SAMD12: variants seen among roughly 807,000 people sequenced by gnomAD.
SAMD12 encodes the protein sterile alpha motif domain-containing protein 12.
SAMD12 carries 9 observed loss-of-function variants against 15.0 expected under a neutral mutation model. That is an observed-to-expected ratio of 0.60 (90% CI 0.36 to 1.05). The LOEUF (loss-of-function observed/expected upper bound fraction) is 1.05, where lower values mean the gene tolerates loss of function less well. Ranked by LOEUF, SAMD12 falls within the 50% of genes least tolerant of loss-of-function variation. SAMD12 has a pLI of 0.01. For missense variants in SAMD12, 230 were observed against 234.2 expected (o/e 0.98, Z 0.12); for synonymous variants, 86 against 90.1 (o/e 0.96, Z 0.25).
chr8:118,495,908 T>C (rs910389710), intron 2 of SAMD12, among the ~76,000 whole-genome samples: 1 of 152,112 alleles, frequency 6.6e-6, no homozygotes, highest in African/African-American at 2.4e-5. Context: ...AGAATTCTGT[T>C]TGTAAGAATC....
chr8:118,407,780 A>T (rs904906036), intron 3 of SAMD12, among the ~76,000 whole-genome samples: 1 of 152,054 alleles, frequency 6.6e-6, no homozygotes, highest in African/African-American at 2.4e-5. Context: ...CCTTCCTCCA[A>T]TTGCACCTTT....
intron 4 of SAMD12, among the ~76,000 whole-genome samples, chr8:118,256,770 T>G (rs1267254172): frequency 7.2e-6 from 1 of 138,248 alleles, no homozygotes; most frequent in Non-Finnish European, 1.5e-5. Flanking sequence ...GTAATATATC[T>G]GCATAAGATA....
chr8:118,344,611 G>C (rs780253165), intron 4 of SAMD12, among the ~76,000 whole-genome samples: 50 of 152,130 alleles, frequency 3.3e-4, no homozygotes, highest in Non-Finnish European at 6.2e-4. Context: ...CAGAAGAAGA[G>C]TTCCCAGCTC....
At chr8:118,253,774 G>A (rs1369369350) in intron 4 of SAMD12, among the ~76,000 whole-genome samples, 3 of 152,094 alleles carry the variant, frequency 2.0e-5, no homozygotes, top group African/African-American at 4.8e-5. Flanking sequence ...TCTTATCAAT[G>A]GATTTAACAT....
At chr8:118,180,549 C>CCTCTCT in the SAMD12 span, among the ~76,000 whole-genome samples, 47 of 149,476 alleles carry the variant, frequency 3.1e-4, no homozygotes, top group East Asian at 2.0e-4. Flanking sequence ...TTTCTCTCTC[C>CCTCTCT]CTCTCTCTCT....
At chr8:118,217,169 A>G (rs2514964) in intron 4 of SAMD12, among the ~76,000 whole-genome samples, 75,749 of 151,512 alleles carry the variant, frequency 0.5, 20,658 homozygotes, top group Non-Finnish European at 0.62. Flanking sequence ...ACACCCAGCT[A>G]ATTTTTGTAT....
At chr8:118,458,631 T>C (rs1278842585) in intron 2 of SAMD12, among the ~76,000 whole-genome samples, 1 of 152,220 alleles carries the variant, frequency 6.6e-6, no homozygotes, top group Non-Finnish European at 1.5e-5. Flanking sequence ...TTTCTGTACC[T>C]TTTACTCATC....
At position 118,379,616 on chromosome 8, in the gene SAMD12, T is replaced by G; in HGVS notation, c.407A>C (p.Gln136Pro). 1 of 1,613,952 alleles carries G rather than the reference T, an allele frequency of 6.2e-7. No individual in the cohort carries two copies. Among genetic ancestry groups the G allele is most frequent in the Non-Finnish European group, 8.5e-7 (1 of 1,179,870 alleles). Residue 136 changes from glutamine (Q) to proline (P), a missense_variant, in exon 4 of 4, where the codon CAG becomes CCG. Physicochemically the swap from Gln to Pro is moderately conservative, Grantham distance 76. Transcript: ENST00000314727. ...QENLRQHILQQVLQLKVREEV... is the reference protein window; with the variant it reads ...QENLRQHILQPVLQLKVREEV... Reference sequence around the variant, plus strand: ...TTCTCGCACCTTCAGCTGGAGCACCTGTTGTAAGATGTGCTGCCGGAGGTT... The same window carrying G: ...TTCTCGCACCTTCAGCTGGAGCACCGGTTGTAAGATGTGCTGCCGGAGGTT...
At chr8:118,158,522 C>A in the SAMD12 span, among the ~76,000 whole-genome samples, 1 of 152,214 alleles carries the variant, frequency 6.6e-6, no homozygotes, top group East Asian at 1.9e-4. Context: ...CCTGCAGGTG[C>A]CCCTTTGCAC....
chr8:118,550,448 A>C (rs1826290457), intron 2 of SAMD12, among the ~76,000 whole-genome samples: 2 of 152,242 alleles, frequency 1.3e-5, no homozygotes, highest in Admixed American at 6.5e-5. Flanking sequence ...AGTGAAGGAG[A>C]AATAAAATAC....
intron 1 of SAMD12, among the ~76,000 whole-genome samples, chr8:118,586,302 A>G (rs915690521): frequency 1.3e-5 from 2 of 151,156 alleles, no homozygotes; most frequent in African/African-American, 4.9e-5. Flanking sequence ...TGCACCCAGT[A>G]TATCCTCTTA....
At chr8:118,597,667 A>C (rs992182882) in intron 1 of SAMD12, among the ~76,000 whole-genome samples, 3 of 152,188 alleles carry the variant, frequency 2.0e-5, no homozygotes, top group Admixed American at 1.3e-4. Context: ...AGAGTACACC[A>C]GGCATTTCAC....
intron 4 of SAMD12, among the ~76,000 whole-genome samples, chr8:118,310,138 T>C (rs1815558103): frequency 1.3e-5 from 2 of 152,214 alleles, no homozygotes; most frequent in African/African-American, 2.4e-5. Context: ...TCTATGTGCC[T>C]CTTTAGACTC....
At position 118,487,411 on chromosome 8, in the gene SAMD12, G is replaced by A. The variant is rs958775099; in HGVS notation, c.193-47450C>T. Among the ~76,000 whole-genome samples, 59 of 152,136 alleles carry A rather than the reference G, an allele frequency of 3.9e-4. 1 individual carries two copies. Among genetic ancestry groups the A allele is most frequent in the Admixed American group, 2.0e-4 (3 of 15,270 alleles). ...GAAGACAAGCCAGGCCACACTGAAC[G>A]TACATCAGATACCTTCATTATTTCA... On this transcript the variant is annotated intron_variant, in intron 2 of 3. Transcript: ENST00000314727.
chr8:118,503,766 C>G (rs966655215), intron 2 of SAMD12, among the ~76,000 whole-genome samples: 3 of 152,180 alleles, frequency 2.0e-5, no homozygotes, highest in Non-Finnish European at 4.4e-5. Context: ...ACCACCACCT[C>G]TTTTTCTGCC....
chr8:118,486,285 G>A (rs1034886282), intron 2 of SAMD12, among the ~76,000 whole-genome samples: 11 of 151,018 alleles, frequency 7.3e-5, no homozygotes, highest in South Asian at 6.3e-4. Flanking sequence ...GTGTAGTGGT[G>A]GGCGCCTGTA....
At chr8:118,357,568 A>G (rs544104617) in intron 4 of SAMD12, among the ~76,000 whole-genome samples, 1 of 152,276 alleles carries the variant, frequency 6.6e-6, no homozygotes, top group East Asian at 1.9e-4. Flanking sequence ...TCACAAATAA[A>G]CCATTAGTAC....
At chr8:118,183,520 G>A in the SAMD12 span, among the ~76,000 whole-genome samples, 2 of 152,206 alleles carry the variant, frequency 1.3e-5, no homozygotes, top group South Asian at 4.2e-4. Context: ...TATAGTGGGT[G>A]CTCAATACAT....
intron 4 of SAMD12, among the ~76,000 whole-genome samples, chr8:118,274,636 A>T (rs573155619): frequency 1.3e-5 from 2 of 152,166 alleles, no homozygotes; most frequent in Non-Finnish European, 2.9e-5. Flanking sequence ...TACAATTTAC[A>T]TACATATATC....
Sources: allele counts gnomAD v4.1 joint callset (sites outside exome capture counted in the v4.1 genomes callset), GRCh38; gene constraint gnomAD v4.1.1; transcripts MANE v1.5; gene names NCBI Gene and HGNC (gene_info 2026-07-23, HGNC 2026-07-21).